Variants in EXOC5 observed in about 807,000 individuals in gnomAD.
EXOC5 encodes exocyst complex component 5.
Under a neutral mutation model 90.8 loss-of-function variants are expected in EXOC5, and 17 were observed. That is an observed-to-expected ratio of 0.19 (90% CI 0.13 to 0.28). The LOEUF (loss-of-function observed/expected upper bound fraction) is 0.28, where lower values mean the gene tolerates loss of function less well. Among genes scored for constraint, EXOC5 ranks in the 10% least tolerant of loss-of-function variants. The probability of loss-of-function intolerance (pLI) is 1.00; values close to 1 mark genes in which losing one functional copy is unlikely to be tolerated. For missense variants in EXOC5, 569 were observed against 830.6 expected (o/e 0.69, Z 3.87); for synonymous variants, 260 against 270.0 (o/e 0.96, Z 0.36).
In EXOC5 at chr14:57,208,555, A is replaced by G. The variant is rs1460894067; in HGVS notation, c.*54T>C. 12 of 1,375,016 alleles carry G rather than the reference A, an allele frequency of 8.7e-6. No homozygotes were observed. In the East Asian group the frequency reaches 2.5e-4, roughly 29 times the overall value. 85.2% of individuals were successfully genotyped at this position (1,375,016 alleles called of 1,614,324 possible). On this transcript the variant is annotated 3_prime_UTR_variant, in exon 18 of 18. Coordinates refer to ENST00000621441, the MANE Select transcript of EXOC5 (RefSeq NM_006544.4). ...TCTATCAACCGAGGGCTGCTGAAGT[A>G]TAAGACATTCCTCTGTAAAGGAACT...
Position 57,232,742 on chromosome 14 carries a change from A to T in EXOC5, c.863T>A (p.Val288Glu). 6.7e-7 allele frequency: 1 copy of T among 1,489,424 alleles called. No homozygotes were observed. Among genetic ancestry groups the T allele is most frequent in the Non-Finnish European group, 9.2e-7 (1 of 1,085,272 alleles). The allele number at this position is 1,489,424 out of a possible 1,614,324, so 92.3% of individuals were successfully genotyped here. A position where few individuals can be genotyped will look rare whatever the true frequency, so the allele number is the denominator to read the frequency against. ...CCTACATTCTTCTAACTGCTCTTTC[A>T]CAAAACTCTAAAAGAAAAAGGTTAA... is the stretch of plus-strand genomic sequence containing the variant. ...NVFEIKLQSF[V>E]KEQLEECRKS... The change falls in exon 10 of 18, where the codon GTG (valine) becomes GAG (glutamate). Residue 288 changes from valine (V) to glutamate (E), a missense_variant. Val to Glu is a moderately radical substitution (Grantham distance 121, BLOSUM62 -2). This residue lies in a region of EXOC5 where 114 missense variants were observed against 111.2 expected (regional missense o/e 1.03). Transcript: ENST00000621441.
At chr14:57,246,919 C>G in intron 2 of EXOC5, 61 bp from the exon 3 acceptor site, 1 of 962,546 alleles carries the variant, frequency 1.0e-6, no homozygotes, top group Non-Finnish European at 1.5e-6. Context: ...AGGAACTGAC[C>G]AGTTAACTTA....
intron 1 of EXOC5, among the ~76,000 whole-genome samples, chr14:57,261,636 T>C (rs1032786730): frequency 6.6e-6 from 1 of 152,218 alleles, no homozygotes; most frequent in African/African-American, 2.4e-5. Context: ...ATAATCATAC[T>C]GTTCACAAAT....
chr14:57,232,752 A>T lies in EXOC5; in HGVS notation c.856-3T>A. The T allele has an allele frequency of 1.4e-6, 2 of 1,417,222 alleles. No individual in the cohort carries two copies. The highest frequency in any genetic ancestry group is 2.0e-6 in the Non-Finnish European group (2 of 1,022,560). The allele number at this position is 1,417,222 out of a possible 1,614,324, so 87.8% of individuals were successfully genotyped here. ...TCTAACTGCTCTTTCACAAAACTCTAAAAGAAAAAGGTTAACATTCTGTTA... is the reference window on the plus strand; with the variant it reads ...TCTAACTGCTCTTTCACAAAACTCTTAAAGAAAAAGGTTAACATTCTGTTA... On this transcript the variant is annotated splice_region_variant and splice_polypyrimidine_tract_variant and intron_variant, in intron 9 of 17. Transcript: ENST00000621441.
intron 7 of EXOC5, 72 bp from the exon 8 acceptor site, chr14:57,234,104 T>C (rs1323389705): frequency 6.8e-6 from 8 of 1,172,474 alleles, no homozygotes; most frequent in East Asian, 4.9e-5. Flanking sequence ...AAAGAAGTGT[T>C]ATATGTCATA....
intron 5 of EXOC5, among the ~76,000 whole-genome samples, chr14:57,238,373 T>TACACACACACACACAC (rs1353864854): frequency 1.3e-5 from 1 of 79,914 alleles, no homozygotes; most frequent in African/African-American, 3.6e-5. Context: ...TATATATATA[T>TACACACACACACACAC]ATACACACAC....
Position 57,203,769 on chromosome 14 carries a change from TAATATA to T in EXOC5, c.*4834_*4839del, listed in dbSNP as rs1367998653. 1.3e-5 allele frequency: 2 copies of T among 152,614 alleles called. No individual in the cohort carries two copies. The highest frequency in any genetic ancestry group is 1.9e-4 in the East Asian group (1 of 5,206). The allele number at this position is 152,614 out of a possible 1,614,324, so 9.5% of individuals were successfully genotyped here. On this transcript the variant is annotated 3_prime_UTR_variant, in exon 18 of 18. Coordinates refer to ENST00000621441, the MANE Select transcript of EXOC5 (RefSeq NM_006544.4). ...GTTGGATACTGTCTCTTAAACACAGTAATATAAATATTAGTATCTTGGCTAAAATGA... is the reference window on the plus strand; with the variant it reads ...GTTGGATACTGTCTCTTAAACACAGTAATATTAGTATCTTGGCTAAAATGA...
intron 13 of EXOC5, among the ~76,000 whole-genome samples, chr14:57,220,591 A>C (rs571011169): frequency 7.9e-5 from 12 of 152,148 alleles, no homozygotes; most frequent in African/African-American, 2.4e-4. Flanking sequence ...CTTGGAGCCA[A>C]GAGTTCAAAA....
At chr14:57,231,398 C>A in intron 11 of EXOC5, 108 bp downstream of exon 11, 1 of 703,984 alleles carries the variant, frequency 1.4e-6, no homozygotes, top group Non-Finnish European at 2.4e-6. Context: ...ATTAAAAGAA[C>A]TCTTCACAGA....
At chr14:57,242,962 G>A (rs564508047) in intron 4 of EXOC5, among the ~76,000 whole-genome samples, 64 of 152,272 alleles carry the variant, frequency 4.2e-4, no homozygotes, top group African/African-American at 1.5e-3. Context: ...TGGATAGAGC[G>A]GGAGGCCATT....
chr14:57,220,447 A>C (rs1883094994), intron 13 of EXOC5, among the ~76,000 whole-genome samples: 1 of 152,160 alleles, frequency 6.6e-6, no homozygotes, highest in African/African-American at 2.4e-5. Context: ...TTTTTAAAGA[A>C]TATTCAATAA....
chr14:57,258,644 T>C (rs779589828), intron 1 of EXOC5, among the ~76,000 whole-genome samples: 1 of 152,228 alleles, frequency 6.6e-6, no homozygotes, highest in Non-Finnish European at 1.5e-5. Flanking sequence ...TGTGTATACC[T>C]ACGTAACAAA....
At position 57,203,609 on chromosome 14, in the gene EXOC5, T is replaced by A. The variant is rs1378809962; in HGVS notation, c.*5000A>T. 1 of 152,608 alleles carries A rather than the reference T, an allele frequency of 6.6e-6. No homozygotes were observed. Among genetic ancestry groups the A allele is most frequent in the South Asian group, 2.1e-4 (1 of 4,828 alleles). 9.5% of individuals were successfully genotyped at this position (152,608 alleles called of 1,614,324 possible). A position where few individuals can be genotyped will look rare whatever the true frequency, so the allele number is the denominator to read the frequency against. ...TCCTACTTCCTTCCTTAACCCTCCA[T>A]ATTTCCTCCTATTAAGTCACTAGGC... On this transcript the variant is annotated 3_prime_UTR_variant, in exon 18 of 18. Transcript: ENST00000621441.
rs142305077 is a variant in EXOC5, at chr14:57,205,055, A to G, written c.*3554T>C. ...GACTGGTCTACTTATCTTTCTATGC[A>G]TTAGGTTTTTCATCTGTCAAATGGA... On this transcript the variant is annotated 3_prime_UTR_variant, in exon 18 of 18. Coordinates refer to ENST00000621441, the MANE Select transcript of EXOC5 (RefSeq NM_006544.4). 14 of 152,108 alleles carry G rather than the reference A, an allele frequency of 9.2e-5. No homozygotes were observed. In the South Asian group the frequency reaches 1.0e-3, roughly 11 times the overall value. 9.4% of individuals were successfully genotyped at this position (152,108 alleles called of 1,614,324 possible).
At chr14:57,229,613 A>G (rs1422385026) in intron 12 of EXOC5, 121 bp downstream of exon 12, 1 of 495,900 alleles carries the variant, frequency 2.0e-6, no homozygotes, top group African/African-American at 1.9e-5. Flanking sequence ...CAAATACTAC[A>G]CACTTTATAT....
intron 3 of EXOC5, among the ~76,000 whole-genome samples, chr14:57,245,095 T>C (rs1261528236): frequency 1.3e-5 from 2 of 152,218 alleles, no homozygotes; most frequent in Admixed American, 6.5e-5. Context: ...TTTCCCAGTT[T>C]TGAAAACAGA....
chr14:57,214,134 G>A (rs1029383418), intron 15 of EXOC5, among the ~76,000 whole-genome samples: 2 of 152,088 alleles, frequency 1.3e-5, no homozygotes, highest in African/African-American at 4.8e-5. Context: ...GGCTGCACGT[G>A]GGGCATTGTG....
intron 5 of EXOC5, 88 bp from the exon 6 acceptor site, chr14:57,237,454 T>C (rs767628028): frequency 6.4e-6 from 5 of 785,028 alleles, no homozygotes; most frequent in Non-Finnish European, 1.1e-5. Context: ...GGAAACTGGG[T>C]GCAGGAGATA....
rs7147218 is a variant in EXOC5, at chr14:57,255,339, T to C, written c.28-7627A>G. ...AAAGAATATTTTACTTTGATAGAAG[T>C]AGAAACATTTGAGATGGATTTGCCT... On this transcript the variant is annotated intron_variant, in intron 1 of 17. Coordinates refer to ENST00000621441, the MANE Select transcript of EXOC5 (RefSeq NM_006544.4). 7.2e-5 allele frequency among the ~76,000 whole-genome samples: 11 copies of C among 152,036 alleles called. 1 individual carries two copies. The South Asian group carries it at 2.3e-3, about 32-fold the overall frequency.
Sources: allele counts gnomAD v4.1 joint callset (sites outside exome capture counted in the v4.1 genomes callset), GRCh38; gene constraint gnomAD v4.1.1; regional missense constraint gnomAD v4.1.1; transcripts MANE v1.5; gene names NCBI Gene and HGNC (gene_info 2026-07-23, HGNC 2026-07-21).